The following GRIP1 variants were observed in gnomAD, a reference collection of about 807,000 sequenced individuals.
The protein encoded by GRIP1 is glutamate receptor interacting protein 1.
In GRIP1, 45 loss-of-function variants were observed where a neutral mutation model predicts 129.9. The ratio of observed to expected loss-of-function variants is 0.35; its 90% CI spans 0.27 to 0.44. GRIP1 has a LOEUF of 0.44. GRIP1 is among the 20% of genes least tolerant of loss of function. The pLI is 1.00. For synonymous variants in GRIP1, 530 were observed against 520.8 expected (o/e 1.02, Z -0.24); for missense variants, 1,196 against 1,396.8 (o/e 0.86, Z 2.29).
At chr12:66,537,851 T>C (rs777358972) in intron 4 of GRIP1, among the ~76,000 whole-genome samples, 2 of 152,164 alleles carry the variant, frequency 1.3e-5, no homozygotes, top group Non-Finnish European at 2.9e-5. Context: ...TGTAATGAGA[T>C]ATTGATGGCA....
At chr12:66,736,854 T>C (rs10784579) in intron 1 of GRIP1, among the ~76,000 whole-genome samples, 30,988 of 151,890 alleles carry the variant, frequency 0.2, 3,518 homozygotes, top group East Asian at 0.4. Context: ...TGACATTTTC[T>C]GGAAAAGTAG....
At chr12:66,632,207 A>G (rs2030871865) in intron 1 of GRIP1, among the ~76,000 whole-genome samples, 1 of 152,242 alleles carries the variant, frequency 6.6e-6, no homozygotes, top group African/African-American at 2.4e-5. Context: ...AAGTATAGTA[A>G]GACATTTGTT....
intron 1 of GRIP1, among the ~76,000 whole-genome samples, chr12:66,939,738 G>T (rs2041553036): frequency 6.6e-6 from 1 of 152,032 alleles, no homozygotes; most frequent in Non-Finnish European, 1.5e-5. Context: ...AGTTCTCTAG[G>T]TATCAAGGGA....
chr12:66,912,346 T>C (rs2137317455), intron 1 of GRIP1, among the ~76,000 whole-genome samples: 1 of 152,262 alleles, frequency 6.6e-6, no homozygotes, highest in South Asian at 2.1e-4. Flanking sequence ...TATTTCACTT[T>C]CACTACAAAA....
intron 1 of GRIP1, among the ~76,000 whole-genome samples, chr12:66,670,925 T>G (rs1196316726): frequency 6.6e-6 from 1 of 152,238 alleles, no homozygotes; most frequent in Admixed American, 6.5e-5. Flanking sequence ...TGAGTAAAAT[T>G]CCTGGGCTTG....
chr12:66,587,999 AT>A (rs2063706785), intron 2 of GRIP1, among the ~76,000 whole-genome samples: 1 of 151,896 alleles, frequency 6.6e-6, no homozygotes, highest in Admixed American at 6.6e-5. Context: ...TCACTTATAT[AT>A]TTTATATATT....
chr12:66,544,741 G>A (rs970143908), intron 2 of GRIP1, among the ~76,000 whole-genome samples: 6 of 152,170 alleles, frequency 3.9e-5, no homozygotes, highest in African/African-American at 1.2e-4. Flanking sequence ...TCTGTAGGGG[G>A]TGGGAGAGAA....
intron 1 of GRIP1, among the ~76,000 whole-genome samples, chr12:66,843,315 G>T (rs988781000): frequency 6.6e-6 from 1 of 151,938 alleles, no homozygotes; most frequent in African/African-American, 2.4e-5. Flanking sequence ...AAATGACAAG[G>T]TATCTCATAT....
intron 1 of GRIP1, among the ~76,000 whole-genome samples, chr12:66,831,076 A>G (rs1463330672): frequency 6.6e-6 from 1 of 151,942 alleles, no homozygotes; most frequent in Non-Finnish European, 1.5e-5. Flanking sequence ...CTGGTCTCGA[A>G]CTCTTGGGCT....
At chr12:67,032,597 G>T (rs2043039213) in intron 1 of GRIP1, among the ~76,000 whole-genome samples, 1 of 152,126 alleles carries the variant, frequency 6.6e-6, no homozygotes, top group Admixed American at 6.6e-5. Flanking sequence ...TGGGGAAAGG[G>T]ACTTTCCTTT....
intron 1 of GRIP1, among the ~76,000 whole-genome samples, chr12:66,755,941 T>A (rs1318530089): frequency 6.6e-6 from 1 of 152,144 alleles, no homozygotes; most frequent in African/African-American, 2.4e-5. Context: ...CTGTGTCCCT[T>A]GTTGGTCTTG....
At chr12:66,713,372 C>T (rs1343485075) in intron 1 of GRIP1, among the ~76,000 whole-genome samples, 2 of 151,926 alleles carry the variant, frequency 1.3e-5, no homozygotes, top group East Asian at 3.9e-4. Context: ...GTGATAAGTA[C>T]AACAATCTCT....
intron 1 of GRIP1, among the ~76,000 whole-genome samples, chr12:66,889,965 T>G (rs2040631034): frequency 6.6e-6 from 1 of 152,130 alleles, no homozygotes; most frequent in Admixed American, 6.6e-5. Context: ...GGTCTCACTT[T>G]GTCACCCAGG....
At chr12:66,678,004 AT>A (rs1288578789) in intron 1 of GRIP1, among the ~76,000 whole-genome samples, 1 of 152,096 alleles carries the variant, frequency 6.6e-6, no homozygotes, top group African/African-American at 2.4e-5. Flanking sequence ...TTTTTAAATA[AT>A]AAATTTTCTC....
chr12:67,057,453 A>C (rs1035985276), intron 1 of GRIP1, among the ~76,000 whole-genome samples: 1 of 151,904 alleles, frequency 6.6e-6, no homozygotes, highest in Admixed American at 6.6e-5. Context: ...AAAAAAAAAA[A>C]AACTCCTGTT....
chr12:66,656,216 T>C (rs1232260770), intron 1 of GRIP1, among the ~76,000 whole-genome samples: 2 of 152,172 alleles, frequency 1.3e-5, no homozygotes, highest in Non-Finnish European at 2.9e-5. Context: ...TTTTTCTCTC[T>C]CTGTAGAATA....
At chr12:66,698,311 T>C (rs1474997835) in intron 1 of GRIP1, among the ~76,000 whole-genome samples, 3 of 152,200 alleles carry the variant, frequency 2.0e-5, no homozygotes, top group Non-Finnish European at 2.9e-5. Context: ...AGAAAGAAAG[T>C]GTTTTTTACC....
chr12:67,028,404 T>C (rs1271313695), intron 1 of GRIP1, among the ~76,000 whole-genome samples: 1 of 152,208 alleles, frequency 6.6e-6, no homozygotes, highest in African/African-American at 2.4e-5. Flanking sequence ...TTTTTAGTAG[T>C]TTCTTCATGA....
intron 11 of GRIP1, among the ~76,000 whole-genome samples, chr12:66,446,820 C>T (rs1018118890): frequency 9.2e-5 from 14 of 152,158 alleles, no homozygotes; most frequent in Admixed American, 1.3e-4. Context: ...GCCAGCAGAG[C>T]CCTATGGTGG....
Sources: allele counts gnomAD v4.1 joint callset (sites outside exome capture counted in the v4.1 genomes callset), GRCh38; gene constraint gnomAD v4.1.1; transcripts MANE v1.5; gene names NCBI Gene and HGNC (gene_info 2026-07-23, HGNC 2026-07-21).